Variants in SUGP1 observed in about 807,000 individuals in gnomAD.
SUGP1 encodes SURP and G-patch domain containing 1.
A neutral mutation model predicts 76.5 loss-of-function variants in SUGP1; 34 were observed. That is an observed-to-expected ratio of 0.44 (90% CI 0.34 to 0.59). The LOEUF (loss-of-function observed/expected upper bound fraction) is 0.59. SUGP1 is among the 20% of genes least tolerant of loss of function. The pLI, the probability that SUGP1 is intolerant of heterozygous loss-of-function variation, is 0.01. For synonymous variants in SUGP1, 326 were observed against 326.2 expected (o/e 1.00, Z 0.01); for missense variants, 752 against 851.7 (o/e 0.88, Z 1.46).
chr19:19,295,548 G>A (rs929624781), intron 8 of SUGP1, among the ~76,000 whole-genome samples: 1 of 146,322 alleles, frequency 6.8e-6, no homozygotes, highest in Admixed American at 7.0e-5. Context: ...AGGTTGCAGT[G>A]AGCTGAGACT....
intron 7 of SUGP1, among the ~76,000 whole-genome samples, chr19:19,299,391 G>A (rs1292969264): frequency 6.6e-6 from 1 of 151,348 alleles, no homozygotes; most frequent in African/African-American, 2.4e-5. Context: ...TTTTTTTTCT[G>A]AGACGGAGTC....
intron 1 of SUGP1, 133 bp downstream of exon 1, chr19:19,320,330 G>C (rs961263129): frequency 3.0e-5 from 29 of 961,366 alleles, no homozygotes; most frequent in Non-Finnish European, 3.9e-5. Flanking sequence ...AGGTGCAGAA[G>C]CCGACGCTGT....
chr19:19,318,202 C>T (rs2061409669), intron 1 of SUGP1, among the ~76,000 whole-genome samples: 2 of 146,744 alleles, frequency 1.4e-5, no homozygotes, highest in African/African-American at 2.6e-5. Flanking sequence ...ACTGCAATCT[C>T]CACCTCCAGA....
At chr19:19,301,455 C>T (rs544875221) in intron 7 of SUGP1, among the ~76,000 whole-genome samples, 1 of 152,314 alleles carries the variant, frequency 6.6e-6, no homozygotes, top group South Asian at 2.1e-4. Context: ...ACGACCTTGG[C>T]CAGTGACCAC....
rs2061235631 is a variant in SUGP1, at chr19:19,297,350, A to C, written c.888-6T>G. 1.1e-5 allele frequency: 16 copies of C among 1,510,744 alleles called. No individual in the cohort carries two copies. Among genetic ancestry groups the C allele is most frequent in the Non-Finnish European group, 1.4e-5 (16 of 1,127,304 alleles). 93.6% of individuals were successfully genotyped at this position (1,510,744 alleles called of 1,614,324 possible). A position where few individuals can be genotyped will look rare whatever the true frequency, so the allele number is the denominator to read the frequency against. On this transcript the variant is annotated splice_region_variant and splice_polypyrimidine_tract_variant and intron_variant, in intron 7 of 13. Coordinates refer to ENST00000247001, the MANE Select transcript of SUGP1 (RefSeq NM_172231.4). The stretch of plus-strand genomic sequence containing the variant: ...TATTGGGCTCATACAGAAAGCTGCA[A>C]AGGAGAGTTGGGGGGTGCAGTGTCA...
At position 19,277,656 on chromosome 19, in the gene SUGP1, G is replaced by A. The variant is rs925432155; in HGVS notation, c.1781+78C>T. 10 of 1,548,032 alleles carry A rather than the reference G, an allele frequency of 6.5e-6. No individual in the cohort carries two copies. In the African/African-American group the frequency reaches 1.4e-4, roughly 21 times the overall value. On this transcript the variant is annotated intron_variant, in intron 12 of 13. Coordinates refer to ENST00000247001, the MANE Select transcript of SUGP1 (RefSeq NM_172231.4). ...CACAAGGGAAAAGCGATGACATAAA[G>A]GGGTGGGAATGGGGAGGCGGCAGGG...
intron 8 of SUGP1, among the ~76,000 whole-genome samples, chr19:19,282,032 T>G (rs1198502869): frequency 1.3e-5 from 2 of 152,128 alleles, no homozygotes; most frequent in Admixed American, 1.3e-4. Flanking sequence ...CAGGCTGGAG[T>G]GCAGTGGTGC....
chr19:19,300,442 C>A (rs1326796383), intron 7 of SUGP1, among the ~76,000 whole-genome samples: 1 of 152,212 alleles, frequency 6.6e-6, no homozygotes, highest in Non-Finnish European at 1.5e-5. Flanking sequence ...GTATGCCTGG[C>A]CCACAGGCGT....
intron 2 of SUGP1, among the ~76,000 whole-genome samples, chr19:19,315,663 C>G (rs2061388901): frequency 6.6e-6 from 1 of 152,200 alleles, no homozygotes; most frequent in South Asian, 2.1e-4. Context: ...AGGCCTTTCT[C>G]TGCTTCCTCA....
intron 5 of SUGP1, 120 bp downstream of exon 5, chr19:19,303,604 A>G: frequency 7.1e-7 from 1 of 1,409,218 alleles, no homozygotes; most frequent in Non-Finnish European, 1.0e-6. Context: ...ACTTCTGGTG[A>G]GAATCAGAAA....
At chr19:19,286,653 C>T (rs1207402976) in intron 8 of SUGP1, among the ~76,000 whole-genome samples, 7 of 151,934 alleles carry the variant, frequency 4.6e-5, no homozygotes, top group South Asian at 2.1e-4. Context: ...GAGGCTGAGG[C>T]GGGGAGATCA....
Position 19,320,467 on chromosome 19 carries a change from A to G in SUGP1, c.30T>C (p.Val10=). MSLKMDNRD[V]AGKANRWFGV... ...AGAGGAGGCGGGGGCTGTTACCTGC[A>G]ACATCCCGGTTGTCCATCTTGAGAC... The change falls in exon 1 of 14, where the codon GTT becomes GTC. Residue 10 remains valine, a synonymous_variant. Transcript: ENST00000247001. 6.2e-7 allele frequency: 1 copy of G among 1,610,138 alleles called. No homozygotes were observed. Among genetic ancestry groups the G allele is most frequent in the Non-Finnish European group, 8.5e-7 (1 of 1,178,596 alleles).
At chr19:19,290,779 T>A (rs2061175562) in intron 8 of SUGP1, among the ~76,000 whole-genome samples, 1 of 152,226 alleles carries the variant, frequency 6.6e-6, no homozygotes, top group Non-Finnish European at 1.5e-5. Context: ...ACAAAGCTAA[T>A]CTATCAGTTA....
At chr19:19,291,015 G>A (rs529779743) in intron 8 of SUGP1, among the ~76,000 whole-genome samples, 1 of 152,094 alleles carries the variant, frequency 6.6e-6, no homozygotes, top group African/African-American at 2.4e-5. Flanking sequence ...TACTCGGGAG[G>A]CTGGGGCAGG....
chr19:19,303,629 A>C, intron 5 of SUGP1, 95 bp downstream of exon 5: 1 of 1,508,238 alleles, frequency 6.6e-7, no homozygotes, highest in Middle Eastern at 1.7e-4. Context: ...TTGGAACAGC[A>C]TCCGGCCCAC....
chr19:19,319,452 G>A (rs1466562321), intron 1 of SUGP1, among the ~76,000 whole-genome samples: 1 of 151,678 alleles, frequency 6.6e-6, no homozygotes, highest in East Asian at 1.9e-4. Flanking sequence ...CTTTCCCTGG[G>A]CCAGGTGTGG....
intron 8 of SUGP1, among the ~76,000 whole-genome samples, chr19:19,293,405 G>A (rs1599854678): frequency 6.6e-6 from 1 of 150,828 alleles, no homozygotes; most frequent in East Asian, 2.0e-4. Context: ...CCAACATGGT[G>A]AAACCCTGTC....
Position 19,276,480 on chromosome 19 carries a change from G to C in SUGP1, c.*168C>G, listed in dbSNP as rs984453942. 1 of 758,314 alleles carries C rather than the reference G, an allele frequency of 1.3e-6. No individual in the cohort carries two copies. The highest frequency in any genetic ancestry group is 1.7e-5 in the South Asian group (1 of 57,780). The allele number at this position is 758,314 out of a possible 1,614,324, so 47.0% of individuals were successfully genotyped here. A position where few individuals can be genotyped will look rare whatever the true frequency, so the allele number is the denominator to read the frequency against. ...AGCATCTTGCATCCCGCTGCTAACA[G>C]GAGGGGCTTCCTGCAACAGGACCAG... is the stretch of plus-strand genomic sequence containing the variant. On this transcript the variant is annotated 3_prime_UTR_variant, in exon 14 of 14. Transcript: ENST00000247001.
chr19:19,284,037 G>T (rs2061120756), intron 8 of SUGP1, among the ~76,000 whole-genome samples: 1 of 152,208 alleles, frequency 6.6e-6, no homozygotes, highest in Non-Finnish European at 1.5e-5. Flanking sequence ...CAAGCTGTTT[G>T]TCCCTTTAGC....
Sources: gnomAD v4.1 joint callset for allele counts (sites outside exome capture counted in the v4.1 genomes callset) on GRCh38, gnomAD v4.1.1 for gene constraint, MANE v1.5 for transcripts, NCBI Gene and HGNC (gene_info 2026-07-23, HGNC 2026-07-21) for gene names.